Variants in SLC4A4 observed in about 807,000 individuals in gnomAD.
The protein encoded by SLC4A4 is solute carrier family 4 member 4.
A neutral mutation model predicts 111.5 loss-of-function variants in SLC4A4; 27 were observed. The ratio of observed to expected loss-of-function variants is 0.24; its 90% CI spans 0.18 to 0.33. The LOEUF (loss-of-function observed/expected upper bound fraction) is 0.33. Ranked by LOEUF, SLC4A4 falls within the 10% of genes least tolerant of loss-of-function variation. SLC4A4 has a pLI of 1.00. For synonymous variants in SLC4A4, 443 were observed against 463.4 expected (o/e 0.96, Z 0.57); for missense variants, 909 against 1,315.5 (o/e 0.69, Z 4.78).
chr4:71,332,949 C>T lies in SLC4A4; in HGVS notation c.254-6421C>T, dbSNP rs754173845. Among the ~76,000 whole-genome samples the T allele has an allele frequency of 5.3e-5, 8 of 152,128 alleles. No individual in the cohort carries two copies. The East Asian group carries it at 7.7e-4, about 15-fold the overall frequency. On this transcript the variant is annotated intron_variant, in intron 3 of 25. Coordinates refer to ENST00000264485, the MANE Select transcript of SLC4A4 (RefSeq NM_001098484.3). ...GTTATCTTGAATTTCATTGAGCTTC[C>T]GCAAAACAGCTATTGGGAATTCTCT...
intron 2 of SLC4A4, among the ~76,000 whole-genome samples, chr4:71,240,544 A>G (rs1365465066): frequency 1.3e-5 from 2 of 152,178 alleles, no homozygotes; most frequent in African/African-American, 4.8e-5. Context: ...AGTGGGAAGT[A>G]TGCACCCATC....
chr4:71,224,867 C>T (rs1445893090), intron 1 of SLC4A4, among the ~76,000 whole-genome samples: 1 of 152,166 alleles, frequency 6.6e-6, no homozygotes, highest in African/African-American at 2.4e-5. Flanking sequence ...GTCTGCATGC[C>T]TGGTCTTCTC....
intron 1 of SLC4A4, among the ~76,000 whole-genome samples, chr4:71,204,749 GT>G (rs1717644844): frequency 6.6e-6 from 1 of 152,066 alleles, no homozygotes; most frequent in African/African-American, 2.4e-5. Context: ...TTAAACAATA[GT>G]TTTTCTAGTC....
At chr4:71,373,384 G>T (rs528550527) in intron 6 of SLC4A4, among the ~76,000 whole-genome samples, 39 of 152,310 alleles carry the variant, frequency 2.6e-4, no homozygotes, top group African/African-American at 9.1e-4. Flanking sequence ...ATTGGGAAAA[G>T]AATTCTTGGG....
intron 16 of SLC4A4, among the ~76,000 whole-genome samples, chr4:71,513,515 AAG>A (rs2149178825): frequency 6.6e-6 from 1 of 152,232 alleles, no homozygotes; most frequent in South Asian, 2.1e-4. Context: ...AATCAAATCT[AAG>A]AGATTTTTGA....
chr4:71,259,896 ATT>A (rs1721724279), intron 3 of SLC4A4, among the ~76,000 whole-genome samples: 1 of 152,166 alleles, frequency 6.6e-6, no homozygotes, highest in Non-Finnish European at 1.5e-5. Context: ...CGTGTTCAGC[ATT>A]TTGATCTGAT....
intron 6 of SLC4A4, among the ~76,000 whole-genome samples, chr4:71,363,848 T>C (rs1236295274): frequency 6.6e-6 from 1 of 152,222 alleles, no homozygotes; most frequent in Non-Finnish European, 1.5e-5. Flanking sequence ...TGAACCGATC[T>C]ATGGAAAGTT....
At chr4:71,437,156 TGC>T in intron 7 of SLC4A4, 1 of 456,466 alleles carries the variant, frequency 2.2e-6, no homozygotes, top group Non-Finnish European at 4.3e-6. Flanking sequence ...GTCAGAGGGA[TGC>T]CAGCAATATT....
chr4:71,165,780 T>C (rs896717), intron 2 of SLC4A4, among the ~76,000 whole-genome samples: 151,798 of 152,282 alleles, frequency 1, 75,661 homozygotes, highest in Middle Eastern at 1. Flanking sequence ...ATCATTAAAA[T>C]GTGACCCAAT....
intron 6 of SLC4A4, among the ~76,000 whole-genome samples, chr4:71,369,532 G>T (rs1377741772): frequency 1.3e-5 from 2 of 152,138 alleles, no homozygotes; most frequent in Non-Finnish European, 2.9e-5. Flanking sequence ...GTCTCTGAAG[G>T]TGGTTTGAAA....
intron 1 of SLC4A4, among the ~76,000 whole-genome samples, chr4:71,215,650 C>T (rs1274907730): frequency 2.6e-5 from 4 of 152,138 alleles, no homozygotes; most frequent in Admixed American, 6.5e-5. Context: ...ACTCTGTAAC[C>T]TCAGGACATT....
At chr4:71,179,551 T>A (rs1277820109) in intron 2 of SLC4A4, among the ~76,000 whole-genome samples, 2 of 141,910 alleles carry the variant, frequency 1.4e-5, no homozygotes, top group African/African-American at 6.3e-5. Flanking sequence ...AGCATTCTTA[T>A]ATACCAATAA....
chr4:71,453,457 C>T lies in SLC4A4; in HGVS notation c.1323-38C>T, dbSNP rs1286087032. ...TCTTGATTAATTTGATGGTAATTTA[C>T]TTTACATTTAGTGGATGTTTGCATT... On this transcript the variant is annotated intron_variant, in intron 11 of 25. Coordinates refer to ENST00000264485, the MANE Select transcript of SLC4A4 (RefSeq NM_001098484.3). The T allele has an allele frequency of 1.9e-6, 3 of 1,587,310 alleles. No individual in the cohort carries two copies. The South Asian group carries it at 3.3e-5, about 18-fold the overall frequency.
At chr4:71,115,875 T>G (rs1378445429) in intron 2 of SLC4A4, among the ~76,000 whole-genome samples, 2 of 152,154 alleles carry the variant, frequency 1.3e-5, no homozygotes, top group African/African-American at 4.8e-5. Flanking sequence ...GTATTTAACA[T>G]ATATTCTTTT....
intron 7 of SLC4A4, among the ~76,000 whole-genome samples, chr4:71,426,049 T>A (rs72852197): frequency 6.6e-6 from 1 of 152,096 alleles, no homozygotes. Context: ...TAGGGTAAAA[T>A]ACTTCAGTTT....
At chr4:71,517,728 C>T (rs1203535443) in intron 16 of SLC4A4, among the ~76,000 whole-genome samples, 1 of 152,170 alleles carries the variant, frequency 6.6e-6, no homozygotes, top group Non-Finnish European at 1.5e-5. Context: ...GACATAGAGA[C>T]TAATTTCAGT....
At chr4:71,455,097 T>C (rs1316746561) in intron 12 of SLC4A4, among the ~76,000 whole-genome samples, 1 of 152,232 alleles carries the variant, frequency 6.6e-6, no homozygotes, top group Non-Finnish European at 1.5e-5. Context: ...CTTTGCTTTT[T>C]CCCACATAAA....
chr4:71,083,494 AT>A lies in SLC4A4; in HGVS notation c.-64-9234del, dbSNP rs149855394. On this transcript the variant is annotated intron_variant, in intron 1 of 26. Coordinates refer to the SLC4A4 transcript ENST00000649996. ...TCATTACTCCTTCCTGATTCTGATT[AT>A]TAAGGTAAAACAGAAGCTGTCTTAC... Among the ~76,000 whole-genome samples the A allele has an allele frequency of 6.5e-4, 99 of 152,100 alleles. 1 individual carries two copies. The highest frequency in any genetic ancestry group is 2.3e-3 in the African/African-American group (94 of 41,394).
chr4:71,443,822 A>T (rs1403969487), intron 8 of SLC4A4, among the ~76,000 whole-genome samples: 1 of 152,196 alleles, frequency 6.6e-6, no homozygotes, highest in African/African-American at 2.4e-5. Flanking sequence ...TAAAAGAAGT[A>T]GTTTGTGATT....
Sources: allele counts gnomAD v4.1 joint callset (sites outside exome capture counted in the v4.1 genomes callset), GRCh38; gene constraint gnomAD v4.1.1; transcripts MANE v1.5; gene names NCBI Gene and HGNC (gene_info 2026-07-23, HGNC 2026-07-21).